The following DNAJC12 variants were observed in gnomAD, a reference collection of about 807,000 sequenced individuals.
DNAJC12 encodes dnaJ homolog subfamily C member 12.
A neutral mutation model predicts 28.5 loss-of-function variants in DNAJC12; 25 were observed. The ratio of observed to expected loss-of-function variants is 0.88; its 90% CI spans 0.64 to 1.22. DNAJC12 has a LOEUF of 1.22. DNAJC12 is among the 50% of genes most tolerant of loss of function. The pLI, the probability that DNAJC12 is intolerant of heterozygous loss-of-function variation, is 0.00. For missense variants in DNAJC12, 222 were observed against 231.7 expected, an observed-to-expected ratio of 0.96 and a Z score of 0.27; for synonymous variants, 77 against 80.6, an observed-to-expected ratio of 0.95 and a Z score of 0.24.
chr10:67,810,198 A>C (rs1231318684), intron 3 of DNAJC12, among the ~76,000 whole-genome samples: 4 of 152,110 alleles, frequency 2.6e-5, no homozygotes, highest in Admixed American at 2.6e-4. Flanking sequence ...CTTTTAAACC[A>C]TCAGATCTCA....
At chr10:67,834,535 CTG>C (rs1842124325) in intron 1 of DNAJC12, among the ~76,000 whole-genome samples, 1 of 152,112 alleles carries the variant, frequency 6.6e-6, no homozygotes, top group African/African-American at 2.4e-5. Flanking sequence ...GGTTAGAAAA[CTG>C]AGGAATAGAG....
chr10:67,799,403 T>A lies in DNAJC12; in HGVS notation c.503-2193A>T, dbSNP rs747448712. ...TGATTGCTATAATTGTTCCTATAATTAAAACTTACTCACAAAATATGTACA... is the reference window on the plus strand; with the variant it reads ...TGATTGCTATAATTGTTCCTATAATAAAAACTTACTCACAAAATATGTACA... On this transcript the variant is annotated intron_variant, in intron 4 of 4. Transcript: ENST00000225171. 5.8e-4 allele frequency among the ~76,000 whole-genome samples: 88 copies of A among 152,318 alleles called. No homozygotes were observed. The Middle Eastern group carries it at 0.017, about 29-fold the overall frequency.
At chr10:67,822,752 C>T (rs936230956) in intron 2 of DNAJC12, among the ~76,000 whole-genome samples, 2 of 152,102 alleles carry the variant, frequency 1.3e-5, no homozygotes, top group Non-Finnish European at 2.9e-5. Flanking sequence ...CACTGGGAGG[C>T]CGAGGTGGGG....
intron 3 of DNAJC12, 45 bp downstream of exon 3, chr10:67,811,479 A>C: frequency 6.2e-7 from 1 of 1,612,578 alleles, no homozygotes; most frequent in Middle Eastern, 1.7e-4. Context: ...ATCCATGGGC[A>C]TCCTGAGCTT....
intron 4 of DNAJC12, among the ~76,000 whole-genome samples, chr10:67,797,628 A>G (rs115930664): frequency 7.0e-4 from 107 of 152,328 alleles, no homozygotes; most frequent in African/African-American, 2.5e-3. Context: ...TTTAGTTATA[A>G]TAAACAACAT....
Position 67,805,706 on chromosome 10 carries a change from C to T in DNAJC12, c.379G>A (p.Glu127Lys), listed in dbSNP as rs764917850. ...DKTHTTKMEN[E>K]ECNEQRERKK... The stretch of plus-strand genomic sequence containing the variant: ...CTTTCTCTTTGCTCATTACATTCCT[C>T]ATTTTCCATCTTGGTGGTATGAGTC... The change falls in exon 4 of 5, where the codon GAG becomes AAG. Residue 127 changes from glutamate to lysine, a missense_variant. Coordinates refer to ENST00000225171, the MANE Select transcript of DNAJC12 (RefSeq NM_021800.3). 4.3e-6 allele frequency: 7 copies of T among 1,613,246 alleles called. No individual in the cohort carries two copies. The highest frequency in any genetic ancestry group is 3.3e-5 in the Admixed American group (2 of 59,764).
chr10:67,806,997 T>C (rs1841809190), intron 3 of DNAJC12, among the ~76,000 whole-genome samples: 1 of 152,114 alleles, frequency 6.6e-6, no homozygotes, highest in Non-Finnish European at 1.5e-5. Context: ...GCGCAGTGGC[T>C]CACACCTTAA....
chr10:67,810,234 C>T (rs1456936456), intron 3 of DNAJC12, among the ~76,000 whole-genome samples: 1 of 152,118 alleles, frequency 6.6e-6, no homozygotes, highest in African/African-American at 2.4e-5. Context: ...ATGAGAAAAG[C>T]AAGGGGGAAA....
intron 1 of DNAJC12, among the ~76,000 whole-genome samples, chr10:67,830,003 T>C (rs1842077332): frequency 6.6e-6 from 1 of 151,908 alleles, no homozygotes. Context: ...TATATAATAA[T>C]GATAATTATT....
chr10:67,802,838 C>CGT (rs71006167), intron 4 of DNAJC12, among the ~76,000 whole-genome samples: 10,221 of 142,986 alleles, frequency 0.071, 502 homozygotes, highest in African/African-American at 0.15. Flanking sequence ...AGTTATTGTG[C>CGT]GTGTGTGTGT....
chr10:67,831,550 G>A (rs1480162787), intron 1 of DNAJC12, among the ~76,000 whole-genome samples: 1 of 152,068 alleles, frequency 6.6e-6, no homozygotes, highest in African/African-American at 2.4e-5. Context: ...CTCTCCCACA[G>A]TGCATTAAAA....
intron 4 of DNAJC12, among the ~76,000 whole-genome samples, chr10:67,800,086 G>A (rs1279934674): frequency 6.6e-6 from 1 of 151,554 alleles, no homozygotes; most frequent in Non-Finnish European, 1.5e-5. Context: ...AGCCGGATGT[G>A]GTGGTGCACA....
intron 2 of DNAJC12, among the ~76,000 whole-genome samples, chr10:67,818,805 G>GCCCA (rs1841941355): frequency 1.3e-5 from 2 of 151,970 alleles, no homozygotes; most frequent in African/African-American, 4.8e-5. Flanking sequence ...ACAGGCATGT[G>GCCCA]CCACCACGCC....
chr10:67,820,944 C>T (rs1017369665), intron 2 of DNAJC12, among the ~76,000 whole-genome samples: 4 of 151,782 alleles, frequency 2.6e-5, no homozygotes, highest in Non-Finnish European at 4.4e-5. Context: ...CCACTAGGCC[C>T]GGCTCACTTT....
chr10:67,812,946 C>T lies in DNAJC12; in HGVS notation c.158-1283G>A, dbSNP rs111250528. ...CTGAGGCAGGAGAATCGTTGGAACC[C>T]GTGAGGCAGAGCTTACAGTGAGCCG... On this transcript the variant is annotated intron_variant, in intron 2 of 4. Transcript: ENST00000225171. Among the ~76,000 whole-genome samples the T allele has an allele frequency of 2.7e-3, 417 of 151,682 alleles. 1 individual carries two copies. Among genetic ancestry groups the T allele is most frequent in the African/African-American group, 9.6e-3 (397 of 41,366 alleles).
In DNAJC12 at chr10:67,797,130, T is replaced by G; in HGVS notation, c.583A>C (p.Asn195His). Residue 195 changes from asparagine to histidine, a missense_variant, in exon 5 of 5, where the codon AAC (asparagine) becomes CAC (histidine). Asn to His is a moderately conservative substitution (Grantham distance 68, BLOSUM62 1). Transcript: ENST00000225171. ...APSELLRKFR[N>H]YEI ...GCAGAGATATTTCATATTTCATAGT[T>G]TCTGAACTTCCTCAGGAGTTCTGAG... is the stretch of plus-strand genomic sequence containing the variant. 1.9e-6 allele frequency: 3 copies of G among 1,613,490 alleles called. No individual in the cohort carries two copies. The highest frequency in any genetic ancestry group is 1.1e-5 in the South Asian group (1 of 90,972).
At chr10:67,819,780 GGAAGGAAGGAAGGAAGGAAGGA>G (rs1841965066) in intron 2 of DNAJC12, among the ~76,000 whole-genome samples, 2 of 1,496 alleles carry the variant, frequency 1.3e-3, no homozygotes, top group Non-Finnish European at 8.5e-3. Flanking sequence ...GGAAGGAAGG[GGAAGGAAGGAAGGAAGGAAGGA>G]AGGAAGGAAG....
intron 1 of DNAJC12, chr10:67,834,001 AT>A (rs1360653978): frequency 2.2e-6 from 1 of 455,842 alleles, no homozygotes; most frequent in East Asian, 6.9e-5. Context: ...AAAATAAGAG[AT>A]GCTCATTGAT....
chr10:67,833,960 G>T, intron 1 of DNAJC12: 2 of 467,060 alleles, frequency 4.3e-6, no homozygotes, highest in Non-Finnish European at 4.4e-6. Flanking sequence ...CAGCATTAAT[G>T]CTAGGGGTAA....
Sources: allele counts gnomAD v4.1 joint callset (sites outside exome capture counted in the v4.1 genomes callset), GRCh38; gene constraint gnomAD v4.1.1; transcripts MANE v1.5; gene names NCBI Gene and HGNC (gene_info 2026-07-23, HGNC 2026-07-21).